PHLDB2: variants seen among roughly 807,000 people sequenced by gnomAD.
PHLDB2 encodes the protein pleckstrin homology like domain family B member 2.
A neutral mutation model predicts 123.6 loss-of-function variants in PHLDB2; 71 were observed. That is an observed-to-expected ratio of 0.57 (90% confidence interval 0.47 to 0.70). The LOEUF (loss-of-function observed/expected upper bound fraction) is 0.70. Among genes scored for constraint, PHLDB2 ranks in the 30% least tolerant of loss-of-function variants. The pLI is 0.00. For synonymous variants in PHLDB2, 547 were observed against 541.6 expected (o/e 1.01, Z -0.14); for missense variants, 1,446 against 1,519.5 (o/e 0.95, Z 0.80).
intron 1 of PHLDB2, among the ~76,000 whole-genome samples, chr3:111,806,652 AT>A (rs2061603062): frequency 1.3e-5 from 2 of 151,866 alleles, no homozygotes; most frequent in Admixed American, 6.5e-5. Flanking sequence ...CACCTGGCTA[AT>A]TTTTGTATTT....
Position 111,747,837 on chromosome 3 carries a change from C to A in PHLDB2, c.-49+15134C>A, listed in dbSNP as rs570901098. On this transcript the variant is annotated intron_variant, in intron 1 of 17. Coordinates refer to the PHLDB2 transcript ENST00000393923. ...GGTTGTGTCTTTTTGTATAACTAAT[C>A]TCAAATGTTATTTGGAGTGAGAAAG... Among the ~76,000 whole-genome samples the A allele has an allele frequency of 2.0e-5, 3 of 152,286 alleles. No individual in the cohort carries two copies. In the East Asian group the frequency reaches 5.8e-4, roughly 29 times the overall value.
Position 111,948,711 on chromosome 3 carries a change from A to G in PHLDB2, c.2488-221A>G, listed in dbSNP as rs563354224. On this transcript the variant is annotated intron_variant, in intron 9 of 17. Coordinates refer to ENST00000431670, the MANE Select transcript of PHLDB2 (RefSeq NM_001134438.2). ...TTTATACTACAGTTATCTTGATTTC[A>G]TCAGAAAAATTATGTTTAATACTTA... Among the ~76,000 whole-genome samples, 79 of 152,340 alleles carry G rather than the reference A, an allele frequency of 5.2e-4. No individual in the cohort carries two copies. The South Asian group carries it at 0.015, about 30-fold the overall frequency.
At chr3:111,935,362 G>C (rs958143640) in intron 6 of PHLDB2, among the ~76,000 whole-genome samples, 5 of 151,980 alleles carry the variant, frequency 3.3e-5, no homozygotes, top group African/African-American at 9.7e-5. Flanking sequence ...ACTGTCACTG[G>C]CTATAAAATT....
At chr3:111,765,670 T>C (rs2060066462) in intron 1 of PHLDB2, among the ~76,000 whole-genome samples, 1 of 152,216 alleles carries the variant, frequency 6.6e-6, no homozygotes, top group East Asian at 1.9e-4. Flanking sequence ...ACTTGGTTCA[T>C]AAACTTCTCT....
intron 1 of PHLDB2, among the ~76,000 whole-genome samples, chr3:111,870,723 A>G (rs545952401): frequency 6.6e-6 from 1 of 152,266 alleles, no homozygotes; most frequent in East Asian, 1.9e-4. Flanking sequence ...AATTCCTGTA[A>G]AGAATGGCAC....
chr3:111,909,236 A>G (rs1424029208), intron 2 of PHLDB2, among the ~76,000 whole-genome samples: 1 of 152,162 alleles, frequency 6.6e-6, no homozygotes, highest in African/African-American at 2.4e-5. Flanking sequence ...GTGAACTCAT[A>G]GGTGGTCTAT....
In PHLDB2 at chr3:111,967,742, A is replaced by T. The variant is rs2071872267; in HGVS notation, c.3233A>T (p.Glu1078Val). 2.5e-6 allele frequency: 4 copies of T among 1,612,652 alleles called. No individual in the cohort carries two copies. In the South Asian group the frequency reaches 3.3e-5, roughly 13 times the overall value. Reference sequence around the variant, plus strand: ...GAAAAACGACGCCGGGAAATCCTGGAAAAACGATTACAGGAAGAAACTAGC... The same window carrying T: ...GAAAAACGACGCCGGGAAATCCTGGTAAAACGATTACAGGAAGAAACTAGC... ...EEEKRRREIL[E>V]KRLQEETSQR... is the part of the protein sequence containing the mutation. Residue 1078 changes from glutamate (E) to valine (V), a missense_variant, in exon 15 of 18, where the codon GAA becomes GTA. By Grantham distance (121) the Glu-to-Val change is moderately radical. Transcript: ENST00000431670.
At chr3:111,808,648 A>G (rs1214629609) in intron 1 of PHLDB2, among the ~76,000 whole-genome samples, 2 of 152,158 alleles carry the variant, frequency 1.3e-5, no homozygotes, top group Admixed American at 6.5e-5. Flanking sequence ...CAATACATGT[A>G]TATCTCATGA....
In PHLDB2 at chr3:111,880,799, G is replaced by A. The variant is rs2065895265; in HGVS notation, c.-14-3265G>A. ...AAAAACAATGAAACTACCCTGTTCAGGCAGACATCCTTTCTCCTCAGGGAA... is the reference window on the plus strand; with the variant it reads ...AAAAACAATGAAACTACCCTGTTCAAGCAGACATCCTTTCTCCTCAGGGAA... On this transcript the variant is annotated intron_variant, in intron 1 of 17. Coordinates refer to ENST00000431670, the MANE Select transcript of PHLDB2 (RefSeq NM_001134438.2). Among the ~76,000 whole-genome samples the A allele has an allele frequency of 2.6e-5, 4 of 152,184 alleles. No individual in the cohort carries two copies. The Middle Eastern group carries it at 0.01, about 388-fold the overall frequency.
At chr3:111,873,225 A>G (rs2065431303) in intron 1 of PHLDB2, among the ~76,000 whole-genome samples, 1 of 152,174 alleles carries the variant, frequency 6.6e-6, no homozygotes, top group South Asian at 2.1e-4. Flanking sequence ...TTCTGCTGTT[A>G]TATTTTGTTT....
chr3:111,962,946 A>AAAG (rs1553755189), intron 13 of PHLDB2, among the ~76,000 whole-genome samples: 3 of 143,612 alleles, frequency 2.1e-5, no homozygotes, highest in African/African-American at 2.7e-5. Context: ...AAAAAAAAAA[A>AAAG]AAAGAAAGAA....
At chr3:111,850,007 G>C (rs1001235389) in intron 2 of PHLDB2, among the ~76,000 whole-genome samples, 1 of 151,800 alleles carries the variant, frequency 6.6e-6, no homozygotes, top group African/African-American at 2.4e-5. Flanking sequence ...GACTACAGGC[G>C]CCCACCACCA....
intron 1 of PHLDB2, among the ~76,000 whole-genome samples, chr3:111,872,207 T>C (rs932276873): frequency 6.6e-6 from 1 of 152,266 alleles, no homozygotes; most frequent in Admixed American, 6.5e-5. Context: ...ATAAGGCATG[T>C]AGCCATTAAG....
intron 1 of PHLDB2, among the ~76,000 whole-genome samples, chr3:111,881,338 G>GCA (rs2065915032): frequency 6.6e-6 from 1 of 152,092 alleles, no homozygotes; most frequent in Non-Finnish European, 1.5e-5. Context: ...ATCACTAGTC[G>GCA]CACTTCGTAT....
intron 5 of PHLDB2, among the ~76,000 whole-genome samples, 174 bp from the exon 6 acceptor site, chr3:111,932,095 T>C (rs552120936): frequency 1.1e-4 from 16 of 152,358 alleles, no homozygotes; most frequent in South Asian, 8.3e-4. Context: ...TCCCTTTGTC[T>C]TAACTTCCAC....
intron 1 of PHLDB2, among the ~76,000 whole-genome samples, chr3:111,765,168 C>T (rs2060058761): frequency 6.6e-6 from 1 of 152,184 alleles, no homozygotes; most frequent in Non-Finnish European, 1.5e-5. Flanking sequence ...TAACCCTTGG[C>T]TCACTCCACC....
intron 4 of PHLDB2, among the ~76,000 whole-genome samples, chr3:111,919,848 G>A (rs918543718): frequency 1.1e-4 from 16 of 152,308 alleles, no homozygotes; most frequent in African/African-American, 2.9e-4. Context: ...GTTGTCTTGC[G>A]TAGAGACGCT....
At chr3:111,788,423 T>C (rs1326069286) in intron 1 of PHLDB2, among the ~76,000 whole-genome samples, 2 of 152,186 alleles carry the variant, frequency 1.3e-5, no homozygotes, top group Non-Finnish European at 2.9e-5. Context: ...CCTCTAAAGG[T>C]AGAAAAGTCC....
intron 2 of PHLDB2, among the ~76,000 whole-genome samples, chr3:111,904,666 T>C (rs998683843): frequency 5.3e-5 from 8 of 152,156 alleles, no homozygotes; most frequent in Admixed American, 4.6e-4. Flanking sequence ...TTTTTGTTTA[T>C]TTTGAGGGGA....
Sources: gnomAD v4.1 joint callset for allele counts (sites outside exome capture counted in the v4.1 genomes callset) on GRCh38, gnomAD v4.1.1 for gene constraint, MANE v1.5 for transcripts, NCBI Gene and HGNC (gene_info 2026-07-23, HGNC 2026-07-21) for gene names.